The following SLC7A11 variants were observed in gnomAD, a reference collection of about 807,000 sequenced individuals.
The protein encoded by SLC7A11 is solute carrier family 7 member 11.
Under a neutral mutation model 54.5 loss-of-function variants are expected in SLC7A11, and 35 were observed. The ratio of observed to expected loss-of-function variants is 0.64; its 90% CI spans 0.49 to 0.85. SLC7A11 has a LOEUF of 0.85. Ranked by LOEUF, SLC7A11 falls within the 40% of genes least tolerant of loss-of-function variation. SLC7A11 has a pLI of 0.00. For synonymous variants in SLC7A11, 230 were observed against 225.2 expected, an observed-to-expected ratio of 1.02 and a Z score of -0.19; for missense variants, 583 against 618.1, an observed-to-expected ratio of 0.94 and a Z score of 0.60.
intron 6 of SLC7A11, among the ~76,000 whole-genome samples, chr4:138,198,651 G>A (rs993554473): frequency 2.0e-5 from 3 of 152,098 alleles, no homozygotes; most frequent in African/African-American, 7.2e-5. Context: ...TTTAAAGTTT[G>A]TTGCCTTTGA....
chr4:138,186,256 C>T (rs762259352), intron 6 of SLC7A11, among the ~76,000 whole-genome samples: 1 of 152,106 alleles, frequency 6.6e-6, no homozygotes, highest in Non-Finnish European at 1.5e-5. Flanking sequence ...AGCCATAGTG[C>T]TTATCAGCCC....
At chr4:138,196,593 G>A (rs1560725049) in intron 6 of SLC7A11, among the ~76,000 whole-genome samples, 1 of 151,818 alleles carries the variant, frequency 6.6e-6, no homozygotes, top group Non-Finnish European at 1.5e-5. Context: ...AAAAAGACTT[G>A]TTATGAAATA....
At chr4:138,238,813 G>A (rs1361369982) in intron 1 of SLC7A11, among the ~76,000 whole-genome samples, 1 of 152,022 alleles carries the variant, frequency 6.6e-6, no homozygotes, top group Non-Finnish European at 1.5e-5. Context: ...ATGTTGCCCA[G>A]GCTGGTCTGG....
intron 9 of SLC7A11, among the ~76,000 whole-genome samples, chr4:138,181,897 C>T (rs913445033): frequency 6.6e-6 from 1 of 152,070 alleles, no homozygotes; most frequent in African/African-American, 2.4e-5. Context: ...GTGTGCATTT[C>T]ATTATAAGGT....
At chr4:138,193,671 C>T (rs916936663) in intron 6 of SLC7A11, among the ~76,000 whole-genome samples, 3 of 152,056 alleles carry the variant, frequency 2.0e-5, no homozygotes, top group East Asian at 3.9e-4. Context: ...TGGTGGCAGG[C>T]ACCTGTAATC....
intron 6 of SLC7A11, among the ~76,000 whole-genome samples, chr4:138,202,205 G>T (rs868361657): frequency 6.6e-6 from 1 of 151,982 alleles, no homozygotes; most frequent in South Asian, 2.1e-4. Flanking sequence ...TAGGATTAGG[G>T]ATTCATCATT....
At chr4:138,216,409 G>C (rs1042422932) in intron 5 of SLC7A11, among the ~76,000 whole-genome samples, 11 of 152,106 alleles carry the variant, frequency 7.2e-5, no homozygotes, top group Admixed American at 2.6e-4. Flanking sequence ...ACCCTACCAA[G>C]CAATGTTTAG....
Position 138,214,574 on chromosome 4 carries a change from T to C in SLC7A11, c.791+11A>G, listed in dbSNP as rs1010001826. The C allele has an allele frequency of 6.9e-7, 1 of 1,454,820 alleles. No individual in the cohort carries two copies. The highest frequency in any genetic ancestry group is 9.4e-7 in the Non-Finnish European group (1 of 1,069,510). 90.1% of individuals were successfully genotyped at this position (1,454,820 alleles called of 1,614,324 possible). A position where few individuals can be genotyped will look rare whatever the true frequency, so the allele number is the denominator to read the frequency against. Reference sequence around the variant, plus strand: ...CTTCATAAAAATTTCAGGGTACATCTGGCTACTTACTTTTCAGGGTTTTCT... The same window carrying C: ...CTTCATAAAAATTTCAGGGTACATCCGGCTACTTACTTTTCAGGGTTTTCT... On this transcript the variant is annotated intron_variant, in intron 6 of 11. Coordinates refer to ENST00000280612, the MANE Select transcript of SLC7A11 (RefSeq NM_014331.4).
intron 3 of SLC7A11, among the ~76,000 whole-genome samples, chr4:138,225,556 C>A (rs1173037515): frequency 6.6e-6 from 1 of 151,928 alleles, no homozygotes; most frequent in East Asian, 1.9e-4. Context: ...TTTATCTCTC[C>A]CCAATATAAG....
chr4:138,228,844 A>AT (rs1427735949), intron 3 of SLC7A11, among the ~76,000 whole-genome samples: 1 of 151,582 alleles, frequency 6.6e-6, no homozygotes, highest in African/African-American at 2.4e-5. Flanking sequence ...AATCTATAAG[A>AT]TTTTCCATCT....
At chr4:138,213,914 C>T (rs1737617729) in intron 6 of SLC7A11, among the ~76,000 whole-genome samples, 1 of 152,020 alleles carries the variant, frequency 6.6e-6, no homozygotes, top group South Asian at 2.1e-4. Context: ...TACATTTTCC[C>T]TCTTTTGCCC....
rs1306152551 is a variant in SLC7A11, at chr4:138,167,787, G to A, written c.*4169C>T. 2.6e-5 allele frequency: 4 copies of A among 152,220 alleles called. No homozygotes were observed. In the East Asian group the frequency reaches 5.8e-4, roughly 22 times the overall value. 9.4% of individuals were successfully genotyped at this position (152,220 alleles called of 1,614,324 possible). A position where few individuals can be genotyped will look rare whatever the true frequency, so the allele number is the denominator to read the frequency against. ...ACTAATGTACAACATATTATGGAGG[G>A]TAAAGTGAAGCAAGAATATATTCAA... On this transcript the variant is annotated 3_prime_UTR_variant, in exon 12 of 12. Transcript: ENST00000280612.
chr4:138,208,061 G>A (rs6537243), intron 6 of SLC7A11, among the ~76,000 whole-genome samples: 62,035 of 151,930 alleles, frequency 0.41, 13,579 homozygotes, highest in Middle Eastern at 0.6. Flanking sequence ...AGGTCTTTGG[G>A]CATTTTTCCC....
rs777930250 is a variant in SLC7A11, at chr4:138,179,376, C to T, written c.1285G>A (p.Ala429Thr). 6.2e-7 allele frequency: 1 copy of T among 1,611,864 alleles called. No homozygotes were observed. The highest frequency in any genetic ancestry group is 8.5e-7 in the Non-Finnish European group (1 of 1,178,908). The change falls in exon 11 of 12, where the codon GCT (alanine) becomes ACT (threonine). Residue 429 changes from alanine (A) to threonine (T), a missense_variant. Coordinates refer to ENST00000280612, the MANE Select transcript of SLC7A11 (RefSeq NM_014331.4). ...AAGAGGCATGTGAAGGAAAACAAAG[C>T]TGGGATGAACAGTGGCACCTGGAAC... is the stretch of plus-strand genomic sequence containing the variant. ...RPFKVPLFIP[A>T]LFSFTCLFMV...
At chr4:138,213,728 C>T (rs1207675388) in intron 6 of SLC7A11, among the ~76,000 whole-genome samples, 1 of 152,064 alleles carries the variant, frequency 6.6e-6, no homozygotes, top group East Asian at 1.9e-4. Context: ...ACTGTTACAT[C>T]TATTTGTTTA....
intron 6 of SLC7A11, among the ~76,000 whole-genome samples, chr4:138,192,753 G>A (rs551279468): frequency 6.6e-6 from 1 of 152,162 alleles, no homozygotes; most frequent in Non-Finnish European, 1.5e-5. Context: ...AAAGCTAGGA[G>A]AGAAAATAAT....
At chr4:138,214,873 G>A (rs890957796) in intron 5 of SLC7A11, among the ~76,000 whole-genome samples, 8 of 152,178 alleles carry the variant, frequency 5.3e-5, no homozygotes, top group African/African-American at 1.9e-4. Flanking sequence ...GGAGCTCATA[G>A]CTCATAGAAT....
intron 6 of SLC7A11, among the ~76,000 whole-genome samples, chr4:138,189,742 T>C (rs770893019): frequency 7.9e-5 from 12 of 152,186 alleles, no homozygotes; most frequent in Non-Finnish European, 2.9e-5. Flanking sequence ...GTGCATTTTT[T>C]AAAGCATGCT....
At chr4:138,182,182 A>G in intron 9 of SLC7A11, 115 bp downstream of exon 9, 1 of 642,372 alleles carries the variant, frequency 1.6e-6, no homozygotes, top group Non-Finnish European at 2.8e-6. Flanking sequence ...CTCCACCATG[A>G]CATACATTAG....
Sources: gnomAD v4.1 joint callset for allele counts (sites outside exome capture counted in the v4.1 genomes callset) on GRCh38, gnomAD v4.1.1 for gene constraint, MANE v1.5 for transcripts, NCBI Gene and HGNC (gene_info 2026-07-23, HGNC 2026-07-21) for gene names.